RGCC: variants seen among roughly 807,000 people sequenced by gnomAD.
The protein encoded by RGCC is regulator of cell cycle RGCC.
Under a neutral mutation model 15.4 loss-of-function variants are expected in RGCC, and 15 were observed. The observed-to-expected ratio is 0.97, with a 90% CI of 0.65 to 1.50. The LOEUF (loss-of-function observed/expected upper bound fraction) is 1.50. Among genes scored for constraint, RGCC ranks in the 40% most tolerant of loss-of-function variants. The pLI, the probability that RGCC is intolerant of heterozygous loss-of-function variation, is 0.00. For missense variants in RGCC, 176 were observed against 189.7 expected, an observed-to-expected ratio of 0.93 and a Z score of 0.42; for synonymous variants, 81 against 78.0, an observed-to-expected ratio of 1.04 and a Z score of -0.20.
At position 41,457,716 on chromosome 13, in the gene RGCC, G is replaced by A; in HGVS notation, c.9G>A (p.Pro3=). The A allele has an allele frequency of 2.0e-6, 3 of 1,476,752 alleles. No homozygotes were observed. The highest frequency in any genetic ancestry group is 1.3e-5 in the South Asian group (1 of 75,696). The allele number at this position is 1,476,752 out of a possible 1,614,324, so 91.5% of individuals were successfully genotyped here. A position where few individuals can be genotyped will look rare whatever the true frequency, so the allele number is the denominator to read the frequency against. ...CCCAGCTGAGCCGCCTCATGAAGCC[G>A]CCCGCGGCGCAGGGCAGCCCCGCGG... MK[P]PAAQGSPAAA... is the part of the protein sequence containing the mutation. Residue 3 remains proline (P), a synonymous_variant, in exon 1 of 5, where the codon CCG becomes CCA. Coordinates refer to ENST00000379359, the MANE Select transcript of RGCC (RefSeq NM_014059.3). The surrounding 1 kb of genome is among the most constrained non-coding windows in gnomAD (Gnocchi z 4.9).
chr13:41,468,071 T>C (rs186340554), intron 3 of RGCC, among the ~76,000 whole-genome samples: 1 of 152,302 alleles, frequency 6.6e-6, no homozygotes, highest in Admixed American at 6.5e-5. Flanking sequence ...CATCTCAGGC[T>C]CTAGAGAGAA....
At chr13:41,467,101 G>A (rs1201644208) in intron 3 of RGCC, among the ~76,000 whole-genome samples, 171 bp downstream of exon 3, 4 of 152,130 alleles carry the variant, frequency 2.6e-5, no homozygotes, top group Non-Finnish European at 4.4e-5. Context: ...TTATTTCTCA[G>A]GATTTTAATC....
intron 3 of RGCC, among the ~76,000 whole-genome samples, chr13:41,468,203 A>G (rs936466250): frequency 6.6e-6 from 1 of 152,072 alleles, no homozygotes; most frequent in African/African-American, 2.4e-5. Context: ...TGAACTCTTC[A>G]TTCATTTCAT....
At chr13:41,468,624 G>A in intron 3 of RGCC, 152 bp from the exon 4 acceptor site, 1 of 666,784 alleles carries the variant, frequency 1.5e-6, no homozygotes, top group South Asian at 1.7e-5. Flanking sequence ...AAAAGTCTCT[G>A]AAGATAAGGA....
At chr13:41,464,577 G>T (rs1208724353) in intron 2 of RGCC, among the ~76,000 whole-genome samples, 3 of 152,172 alleles carry the variant, frequency 2.0e-5, no homozygotes, top group Non-Finnish European at 4.4e-5. Context: ...CCGTGGTCAG[G>T]TACACTGGGG....
chr13:41,470,464 T>G lies in RGCC; in HGVS notation c.407-14T>G. 6.2e-7 allele frequency: 1 copy of G among 1,613,308 alleles called. No homozygotes were observed. The highest frequency in any genetic ancestry group is 8.5e-7 in the Non-Finnish European group (1 of 1,179,322). ...GCCTCTGAGTGGATAACCTTACCTA[T>G]CTCTCATTTACAGGTATGTGAAACA... On this transcript the variant is annotated splice_polypyrimidine_tract_variant and intron_variant, in intron 4 of 4. Coordinates refer to ENST00000379359, the MANE Select transcript of RGCC (RefSeq NM_014059.3).
In RGCC at chr13:41,463,271, C is replaced by T. The variant is rs191545542; in HGVS notation, c.236-3552C>T. ...GCTCTCTTTTCATCTGTGCCATACACGATGTGTAGATATCATCACAGGGTG... is the reference window on the plus strand; with the variant it reads ...GCTCTCTTTTCATCTGTGCCATACATGATGTGTAGATATCATCACAGGGTG... On this transcript the variant is annotated intron_variant, in intron 2 of 4. Transcript: ENST00000379359. Among the ~76,000 whole-genome samples, 1,132 of 151,838 alleles carry T rather than the reference C, an allele frequency of 7.5e-3. 12 individuals carry two copies. Among genetic ancestry groups the T allele is most frequent in the African/African-American group, 0.026 (1,062 of 41,388 alleles).
rs1593574873 is a variant in RGCC at position 41,458,778 on chromosome 13, C to T, written c.235+308C>T. Among the ~76,000 whole-genome samples the T allele has an allele frequency of 6.6e-6, 1 of 152,158 alleles. No homozygotes were observed. Among genetic ancestry groups the T allele is most frequent in the African/African-American group, 2.4e-5 (1 of 41,422 alleles). On this transcript the variant is annotated intron_variant, in intron 2 of 4. Transcript: ENST00000379359. The surrounding 1 kb of genome is among the most constrained non-coding windows in gnomAD (Gnocchi z 4.4). ...CTTTCCGCAGTTTCCCTCCTCTTCTCCTTTCCGTGCCTCTCCCCTCTCAGC... is the reference window on the plus strand; with the variant it reads ...CTTTCCGCAGTTTCCCTCCTCTTCTTCTTTCCGTGCCTCTCCCCTCTCAGC...
rs764840194 is a variant in RGCC, at chr13:41,458,236, C to T, written c.50-49C>T. ...CCCCTCCTGGCCCTGGGAGGTGGTCCCGCTGCCCCCCTGACTTCCGTGCAC... is the reference window on the plus strand; with the variant it reads ...CCCCTCCTGGCCCTGGGAGGTGGTCTCGCTGCCCCCCTGACTTCCGTGCAC... On this transcript the variant is annotated intron_variant, in intron 1 of 4. Transcript: ENST00000379359. The surrounding 1 kb of genome is among the most constrained non-coding windows in gnomAD (Gnocchi z 4.4). 9 of 1,464,746 alleles carry T rather than the reference C, an allele frequency of 6.1e-6. No homozygotes were observed. The highest frequency in any genetic ancestry group is 7.3e-6 in the Non-Finnish European group (8 of 1,094,688). 90.7% of individuals were successfully genotyped at this position (1,464,746 alleles called of 1,614,324 possible). A position where few individuals can be genotyped will look rare whatever the true frequency, so the allele number is the denominator to read the frequency against.
At chr13:41,462,247 G>T (rs890001973) in intron 2 of RGCC, among the ~76,000 whole-genome samples, 1 of 152,148 alleles carries the variant, frequency 6.6e-6, no homozygotes, top group African/African-American at 2.4e-5. Flanking sequence ...TCCCCCTGGA[G>T]CAGCACGTTG....
rs2043798926 is a variant in RGCC at position 41,457,649 on chromosome 13, C to T, written c.-59C>T. 2 of 1,502,830 alleles carry T rather than the reference C, an allele frequency of 1.3e-6. No homozygotes were observed. The highest frequency in any genetic ancestry group is 2.4e-4 in the Middle Eastern group (1 of 4,216). 93.1% of individuals were successfully genotyped at this position (1,502,830 alleles called of 1,614,324 possible). The stretch of plus-strand genomic sequence containing the variant: ...GCGGGACAGCAAGCCCCCGAATAGC[C>T]CCGGCTGCCACCTCGCAGGACCCAA... On this transcript the variant is annotated 5_prime_UTR_variant, in exon 1 of 5. Transcript: ENST00000379359. This position sits in a 1 kb window ranked among gnomAD's most constrained non-coding sequence, Gnocchi z 4.9.
chr13:41,459,877 TG>T (rs2043812042), intron 2 of RGCC, among the ~76,000 whole-genome samples: 1 of 152,226 alleles, frequency 6.6e-6, no homozygotes, highest in African/African-American at 2.4e-5. Context: ...AGTGTGTCGC[TG>T]CTGCTCTGTG....
At chr13:41,469,838 C>T (rs994595838) in intron 4 of RGCC, among the ~76,000 whole-genome samples, 1 of 152,164 alleles carries the variant, frequency 6.6e-6, no homozygotes, top group African/African-American at 2.4e-5. Flanking sequence ...AAGGGACCCT[C>T]ACAATCTATC....
Position 41,458,958 on chromosome 13 carries a change from C to T in RGCC, c.235+488C>T, listed in dbSNP as rs1263421022. 1.3e-5 allele frequency among the ~76,000 whole-genome samples: 2 copies of T among 152,192 alleles called. No individual in the cohort carries two copies. The highest frequency in any genetic ancestry group is 2.9e-5 in the Non-Finnish European group (2 of 68,030). On this transcript the variant is annotated intron_variant, in intron 2 of 4. Coordinates refer to ENST00000379359, the MANE Select transcript of RGCC (RefSeq NM_014059.3). This position sits in a 1 kb window ranked among gnomAD's most constrained non-coding sequence, Gnocchi z 4.4. ...TTTATGAAATAACTGCTTGCATTGT[C>T]TTCTGGCCCTTAGCTCTCAGACTTG...
chr13:41,469,295 T>TAATAAGAAGAAGAAGAAG (rs869157194), intron 4 of RGCC, among the ~76,000 whole-genome samples: 115 of 86,716 alleles, frequency 1.3e-3, no homozygotes, highest in African/African-American at 3.9e-3. Flanking sequence ...ATAATAATAA[T>TAATAAGAAGAAGAAGAAG]AAGAAGAAGA....
intron 2 of RGCC, among the ~76,000 whole-genome samples, chr13:41,464,757 C>T (rs1351199573): frequency 6.6e-6 from 1 of 152,064 alleles, no homozygotes; most frequent in Non-Finnish European, 1.5e-5. Context: ...GGTATCAGGT[C>T]CAGGATTTTG....
rs2043802085 is a variant in RGCC at position 41,458,155 on chromosome 13, G to A, written c.50-130G>A. 1.4e-6 allele frequency: 1 copy of A among 731,384 alleles called. No individual in the cohort carries two copies. Among genetic ancestry groups the A allele is most frequent in the Non-Finnish European group, 2.2e-6 (1 of 456,600 alleles). 45.3% of individuals were successfully genotyped at this position (731,384 alleles called of 1,614,324 possible). A position where few individuals can be genotyped will look rare whatever the true frequency, so the allele number is the denominator to read the frequency against. The stretch of plus-strand genomic sequence containing the variant: ...AAGATTACAAGGTAACAGCGACTGC[G>A]TGGCTGTCACTTGGCAGAGGCGCCA... On this transcript the variant is annotated intron_variant, in intron 1 of 4. Transcript: ENST00000379359. The surrounding 1 kb of genome is among the most constrained non-coding windows in gnomAD (Gnocchi z 4.4).
At chr13:41,470,278 T>G (rs896228474) in intron 4 of RGCC, among the ~76,000 whole-genome samples, 200 bp from the exon 5 acceptor site, 2 of 152,166 alleles carry the variant, frequency 1.3e-5, no homozygotes, top group Non-Finnish European at 2.9e-5. Flanking sequence ...ATAATTTGTA[T>G]TAGACCCATG....
Position 41,470,561 on chromosome 13 carries a change from T to C in RGCC, c.*76T>C, listed in dbSNP as rs2043871068. On this transcript the variant is annotated 3_prime_UTR_variant, in exon 5 of 5. Transcript: ENST00000379359. ...CCGAGGACCTGCTAAAATCAGCTAC[T>C]AGAATCTGCTGCCAGAGGGGACAAA... 2.1e-6 allele frequency: 3 copies of C among 1,426,422 alleles called. No individual in the cohort carries two copies. In the South Asian group the frequency reaches 3.4e-5, roughly 16 times the overall value. 88.4% of individuals were successfully genotyped at this position (1,426,422 alleles called of 1,614,324 possible).
Sources: allele counts gnomAD v4.1 joint callset (sites outside exome capture counted in the v4.1 genomes callset), GRCh38; gene constraint gnomAD v4.1.1; non-coding constraint Gnocchi (gnomAD v3.1); transcripts MANE v1.5; gene names NCBI Gene and HGNC (gene_info 2026-07-23, HGNC 2026-07-21).